EVI5: variants seen among roughly 807,000 people sequenced by gnomAD.
EVI5 encodes the protein ecotropic viral integration site 5 protein homolog.
A neutral mutation model predicts 112.0 loss-of-function variants in EVI5; 73 were observed. That is an observed-to-expected ratio of 0.65 (90% CI 0.54 to 0.79). The LOEUF is 0.79. Among genes scored for constraint, EVI5 ranks in the 30% least tolerant of loss-of-function variants. The pLI, the probability that EVI5 is intolerant of heterozygous loss-of-function variation, is 0.00. For synonymous variants in EVI5, 305 were observed against 319.9 expected (o/e 0.95, Z 0.50); for missense variants, 900 against 968.8 (o/e 0.93, Z 0.94).
chr1:92,752,879 CT>C (rs1386708633), intron 1 of EVI5, among the ~76,000 whole-genome samples: 1 of 152,088 alleles, frequency 6.6e-6, no homozygotes, highest in Non-Finnish European at 1.5e-5. Context: ...AATCTACTTT[CT>C]AAAAGAACAC....
chr1:92,597,139 T>C (rs1648096932), intron 18 of EVI5, among the ~76,000 whole-genome samples: 1 of 152,120 alleles, frequency 6.6e-6, no homozygotes, highest in Non-Finnish European at 1.5e-5. Flanking sequence ...CAATACAGAA[T>C]CTCTAGCAAT....
At chr1:92,641,332 T>C (rs898369031) in intron 13 of EVI5, among the ~76,000 whole-genome samples, 2 of 152,184 alleles carry the variant, frequency 1.3e-5, no homozygotes, top group Non-Finnish European at 2.9e-5. Context: ...AACAGTGCTT[T>C]TCATAGGTAG....
At chr1:92,627,388 T>C (rs1655918220) in intron 14 of EVI5, among the ~76,000 whole-genome samples, 1 of 152,254 alleles carries the variant, frequency 6.6e-6, no homozygotes, top group South Asian at 2.1e-4. Context: ...TATATACATA[T>C]ATACACCACA....
chr1:92,702,483 T>TA (rs1164351590), intron 4 of EVI5, among the ~76,000 whole-genome samples: 3 of 150,664 alleles, frequency 2.0e-5, no homozygotes, highest in Middle Eastern at 3.4e-3. Context: ...TAAAATAAAA[T>TA]AAAGGAATTT....
At chr1:92,749,224 G>C in intron 1 of EVI5, 1 of 336,382 alleles carries the variant, frequency 3.0e-6, no homozygotes, top group South Asian at 2.4e-5. Flanking sequence ...AGCAGCTTTT[G>C]TAGCCAGTTG....
intron 3 of EVI5, among the ~76,000 whole-genome samples, chr1:92,704,081 A>C (rs1187129738): frequency 6.6e-6 from 1 of 152,124 alleles, no homozygotes; most frequent in African/African-American, 2.4e-5. Flanking sequence ...AGGCGGAGGT[A>C]GGAAGACTGC....
rs140506704 is a variant in EVI5, at chr1:92,653,253, C to T, written c.1392+9466G>A. On this transcript the variant is annotated intron_variant, in intron 13 of 19. Coordinates refer to ENST00000684568, the MANE Select transcript of EVI5 (RefSeq NM_001350197.2). ...GCATCTGCTCAGATTGTGGCAGCAG[C>T]AAAGGGATGGCTGGACCCAGGGAGC... Among the ~76,000 whole-genome samples, 896 of 152,304 alleles carry T rather than the reference C, an allele frequency of 5.9e-3. 12 individuals are homozygous for T. Among genetic ancestry groups the T allele is most frequent in the Non-Finnish European group, 5.9e-3 (399 of 68,022 alleles).
chr1:92,736,800 GT>G (rs1677523069), intron 1 of EVI5, among the ~76,000 whole-genome samples, 173 bp from the exon 2 acceptor site: 2 of 152,176 alleles, frequency 1.3e-5, no homozygotes, highest in Admixed American at 1.3e-4. Context: ...TTTGCAAACT[GT>G]TTATTTCAGT....
chr1:92,566,870 A>G (rs1557803335), intron 18 of EVI5, among the ~76,000 whole-genome samples: 2 of 146,548 alleles, frequency 1.4e-5, no homozygotes, highest in East Asian at 4.0e-4. Context: ...GCAATGGCAC[A>G]ATCTCGGCTC....
chr1:92,548,546 A>T (rs1666202243), intron 19 of EVI5, among the ~76,000 whole-genome samples: 1 of 152,206 alleles, frequency 6.6e-6, no homozygotes, highest in Non-Finnish European at 1.5e-5. Flanking sequence ...GGAAAAGAGG[A>T]AGTCAAATTG....
chr1:92,546,644 C>A (rs879802712), intron 19 of EVI5, among the ~76,000 whole-genome samples: 24 of 151,826 alleles, frequency 1.6e-4, no homozygotes, highest in Non-Finnish European at 3.1e-4. Flanking sequence ...TGCAGTGAGC[C>A]GAGATCACGC....
At chr1:92,675,336 C>A (rs1175786187) in intron 10 of EVI5, among the ~76,000 whole-genome samples, 1 of 152,080 alleles carries the variant, frequency 6.6e-6, no homozygotes, top group African/African-American at 2.4e-5. Flanking sequence ...CAGAGGGAGA[C>A]CCTGTCTAAA....
chr1:92,792,329 G>T, intron 1 of EVI5: 1 of 1,550,034 alleles, frequency 6.5e-7, no homozygotes, highest in Non-Finnish European at 8.9e-7. Context: ...ATCAAACATC[G>T]TTTTACACAT....
At chr1:92,627,256 T>C (rs1006945621) in intron 14 of EVI5, among the ~76,000 whole-genome samples, 1 of 152,248 alleles carries the variant, frequency 6.6e-6, no homozygotes, top group Non-Finnish European at 1.5e-5. Flanking sequence ...AGTGAGAACA[T>C]ACGATGCTTG....
At chr1:92,687,426 C>A (rs1295737329) in intron 9 of EVI5, among the ~76,000 whole-genome samples, 3 of 152,116 alleles carry the variant, frequency 2.0e-5, no homozygotes, top group Non-Finnish European at 4.4e-5. Context: ...AGACCTAAAA[C>A]CATAAAAACC....
At chr1:92,736,244 T>C (rs116389672) in intron 2 of EVI5, among the ~76,000 whole-genome samples, 154 bp downstream of exon 2, 3,189 of 152,208 alleles carry the variant, frequency 0.021, 61 homozygotes, top group Admixed American at 0.056. Flanking sequence ...TAGTCTCTTT[T>C]AAGACCAATC....
intron 18 of EVI5, among the ~76,000 whole-genome samples, chr1:92,595,887 T>C (rs1157128920): frequency 2.0e-5 from 3 of 152,210 alleles, no homozygotes; most frequent in Non-Finnish European, 4.4e-5. Flanking sequence ...CAGGAAGCTG[T>C]CAATATGCTA....
intron 1 of EVI5, among the ~76,000 whole-genome samples, chr1:92,750,009 T>C (rs1358660476): frequency 1.3e-5 from 2 of 152,148 alleles, no homozygotes; most frequent in African/African-American, 2.4e-5. Flanking sequence ...CAGCTGAGCA[T>C]AGAATTAGAC....
chr1:92,761,287 T>C (rs1280926511), intron 1 of EVI5, among the ~76,000 whole-genome samples: 1 of 152,164 alleles, frequency 6.6e-6, no homozygotes, highest in Non-Finnish European at 1.5e-5. Flanking sequence ...AACTGCAACT[T>C]TGCTTAAACA....
Sources: gnomAD v4.1 joint callset for allele counts (sites outside exome capture counted in the v4.1 genomes callset) on GRCh38, gnomAD v4.1.1 for gene constraint, MANE v1.5 for transcripts, NCBI Gene and HGNC (gene_info 2026-07-23, HGNC 2026-07-21) for gene names.